The following MAGI2 variants were observed in gnomAD, a reference collection of about 807,000 sequenced individuals.
MAGI2 encodes the protein membrane associated guanylate kinase, WW and PDZ domain containing 2.
MAGI2 carries 35 observed loss-of-function variants against 133.3 expected under a neutral mutation model. The observed-to-expected ratio is 0.26, with a 90% confidence interval of 0.20 to 0.35. The LOEUF is 0.35. Ranked by LOEUF, MAGI2 falls within the 10% of genes least tolerant of loss-of-function variation. The probability of loss-of-function intolerance (pLI) is 1.00; values close to 1 mark genes in which losing one functional copy is unlikely to be tolerated. For synonymous variants in MAGI2, 729 were observed against 710.6 expected (o/e 1.03, Z -0.41); for missense variants, 1,636 against 1,863.4 (o/e 0.88, Z 2.25).
chr7:78,055,642 CT>C (rs2151119726), intron 21 of MAGI2, among the ~76,000 whole-genome samples: 1 of 152,268 alleles, frequency 6.6e-6, no homozygotes, highest in Non-Finnish European at 1.5e-5. Flanking sequence ...CTTACTGCCC[CT>C]GGTAGAGTCC....
chr7:78,539,632 T>C (rs540946079), intron 3 of MAGI2, among the ~76,000 whole-genome samples: 97 of 152,340 alleles, frequency 6.4e-4, no homozygotes, highest in Non-Finnish European at 9.6e-4. Context: ...AATTTCCATC[T>C]TGAATCAATG....
rs191783156 is a variant in MAGI2, at chr7:79,057,926, A to G, written c.302-50720T>C. On this transcript the variant is annotated intron_variant, in intron 1 of 21. Transcript: ENST00000354212. ...TGGGCAGGTGACTGTAAGTAACTAT[A>G]CAAATTGTTCCTGCCCAGAAAGGGG... Among the ~76,000 whole-genome samples, 301 of 151,596 alleles carry G rather than the reference A, an allele frequency of 2.0e-3. 2 individuals carry two copies. The highest frequency in any genetic ancestry group is 3.5e-3 in the Non-Finnish European group (239 of 67,920).
At chr7:78,190,025 C>T (rs1828057037) in intron 12 of MAGI2, among the ~76,000 whole-genome samples, 1 of 152,168 alleles carries the variant, frequency 6.6e-6, no homozygotes, top group South Asian at 2.1e-4. Context: ...TAACTATAAT[C>T]TTTCCCAGAA....
chr7:78,994,301 A>T (rs1806076742), intron 2 of MAGI2, among the ~76,000 whole-genome samples: 1 of 152,090 alleles, frequency 6.6e-6, no homozygotes, highest in South Asian at 2.1e-4. Flanking sequence ...CTCTGTTTTG[A>T]TTACCTCCAG....
intron 10 of MAGI2, among the ~76,000 whole-genome samples, chr7:78,223,903 C>T (rs1393749178): frequency 6.6e-6 from 1 of 152,112 alleles, no homozygotes; most frequent in Non-Finnish European, 1.5e-5. Flanking sequence ...CTGCTTTTCC[C>T]AGGCATGTAG....
chr7:79,426,534 G>C (rs942013320), intron 1 of MAGI2, among the ~76,000 whole-genome samples: 5 of 152,246 alleles, frequency 3.3e-5, no homozygotes, highest in Middle Eastern at 3.4e-3. Flanking sequence ...CTTCTCTCCT[G>C]AGGAGTTAAA....
chr7:79,211,721 C>A (rs1829512395), intron 1 of MAGI2, among the ~76,000 whole-genome samples: 1 of 151,696 alleles, frequency 6.6e-6, no homozygotes, highest in Non-Finnish European at 1.5e-5. Flanking sequence ...ATAACAACAA[C>A]AACAATAAAA....
intron 2 of MAGI2, among the ~76,000 whole-genome samples, chr7:78,830,938 T>C (rs778942159): frequency 2.6e-5 from 4 of 152,196 alleles, no homozygotes; most frequent in Admixed American, 6.6e-5. Context: ...CCACATTTCA[T>C]TGATTTTGGG....
rs1584030360 is a variant in MAGI2, at chr7:78,423,061, T to C, written c.1046-53848A>G. Among the ~76,000 whole-genome samples the C allele has an allele frequency of 3.3e-5, 5 of 152,334 alleles. 1 individual carries two copies. Among genetic ancestry groups the C allele is most frequent in the Non-Finnish European group, 1.5e-5 (1 of 68,034 alleles). ...ATTTTTGTTCTGTTTTGAATCAGAATGGAATTTCAGAAAATGTTCACGATA... is the reference window on the plus strand; with the variant it reads ...ATTTTTGTTCTGTTTTGAATCAGAACGGAATTTCAGAAAATGTTCACGATA... On this transcript the variant is annotated intron_variant, in intron 6 of 21. Transcript: ENST00000354212.
At chr7:79,189,276 A>T (rs1827437635) in intron 1 of MAGI2, among the ~76,000 whole-genome samples, 1 of 144,856 alleles carries the variant, frequency 6.9e-6, no homozygotes, top group Admixed American at 7.1e-5. Context: ...CAATCCTAGG[A>T]GCCTCATTCC....
At chr7:78,841,081 A>G (rs562679318) in intron 2 of MAGI2, among the ~76,000 whole-genome samples, 169 of 152,056 alleles carry the variant, frequency 1.1e-3, no homozygotes, top group African/African-American at 3.1e-3. Flanking sequence ...ATAGTTCTCT[A>G]TGACACCATG....
chr7:78,094,318 G>T (rs546164377), intron 20 of MAGI2, among the ~76,000 whole-genome samples: 5 of 152,214 alleles, frequency 3.3e-5, no homozygotes, highest in African/African-American at 1.2e-4. Context: ...TATGGCTCTT[G>T]TCATTTCTTC....
chr7:78,297,604 A>T (rs1473767773), intron 9 of MAGI2, among the ~76,000 whole-genome samples: 1 of 151,320 alleles, frequency 6.6e-6, no homozygotes, highest in African/African-American at 2.4e-5. Flanking sequence ...GATAGACTGG[A>T]TTAAGAAAAT....
chr7:78,562,456 T>C (rs190302846), intron 3 of MAGI2, among the ~76,000 whole-genome samples: 273 of 152,230 alleles, frequency 1.8e-3, no homozygotes, highest in Non-Finnish European at 3.2e-3. Context: ...ATCCAAACAG[T>C]AGGAAAGAAT....
chr7:78,228,639 T>C (rs566370374), intron 10 of MAGI2, among the ~76,000 whole-genome samples: 1 of 152,352 alleles, frequency 6.6e-6, no homozygotes, highest in Non-Finnish European at 1.5e-5. Context: ...TCCGAGTGTT[T>C]ATATTTAAAA....
Position 79,338,236 on chromosome 7 carries a change from C to T in MAGI2, c.301+114784G>A, listed in dbSNP as rs929691701. On this transcript the variant is annotated intron_variant, in intron 1 of 21. Coordinates refer to ENST00000354212, the MANE Select transcript of MAGI2 (RefSeq NM_012301.4). The stretch of plus-strand genomic sequence containing the variant: ...CTGTTCTACATAGAGTTTGGAGAAG[C>T]AGGGGAAGCTTTGCTGTTGCAGGTG... Among the ~76,000 whole-genome samples, 6 of 152,092 alleles carry T rather than the reference C, an allele frequency of 3.9e-5. No individual in the cohort carries two copies. The South Asian group carries it at 1.0e-3, about 26-fold the overall frequency.
At chr7:79,160,871 G>A in intron 1 of MAGI2, among the ~76,000 whole-genome samples, 1 of 151,978 alleles carries the variant, frequency 6.6e-6, no homozygotes, top group Admixed American at 6.6e-5. Flanking sequence ...CTGGGGCTAA[G>A]GGGGCCCCTT....
chr7:78,160,147 G>C lies in MAGI2; in HGVS notation c.2723C>G (p.Pro908Arg), dbSNP rs150080418. The C allele has an allele frequency of 5.9e-4, 951 of 1,612,838 alleles. No homozygotes were observed. Among genetic ancestry groups the C allele is most frequent in the Non-Finnish European group, 7.5e-4 (882 of 1,179,408 alleles). ...HAAPSSNASP[P>R]EGFASHSLQT... ...CAGGCTGTGGGAGGCGAAGCCTTCA[G>C]GGGGAGAGGCATTGCTACTGGGGGC... The change falls in exon 16 of 22, where the codon CCT becomes CGT. Residue 908 changes from proline (P) to arginine (R), a missense_variant. This residue lies in a region of MAGI2 where 920 missense variants were observed against 1,093.5 expected (regional missense o/e 0.84). Coordinates refer to ENST00000354212, the MANE Select transcript of MAGI2 (RefSeq NM_012301.4).
chr7:79,190,264 T>C (rs1415636039), intron 1 of MAGI2, among the ~76,000 whole-genome samples: 1 of 151,928 alleles, frequency 6.6e-6, no homozygotes, highest in African/African-American at 2.4e-5. Flanking sequence ...AGAATTTCTG[T>C]TGCTCCACAT....
Sources: gnomAD v4.1 joint callset for allele counts (sites outside exome capture counted in the v4.1 genomes callset) on GRCh38, gnomAD v4.1.1 for gene constraint, gnomAD v4.1.1 regional missense constraint, MANE v1.5 for transcripts, NCBI Gene and HGNC (gene_info 2026-07-23, HGNC 2026-07-21) for gene names.